SOX5: variants seen among roughly 807,000 people sequenced by gnomAD.
The protein encoded by SOX5 is SRY-box transcription factor 5.
SOX5 carries 9 observed loss-of-function variants against 92.0 expected under a neutral mutation model. The ratio of observed to expected loss-of-function variants is 0.10; its 90% CI spans 0.06 to 0.17. SOX5 has a LOEUF of 0.17. SOX5 is among the 10% of genes least tolerant of loss of function. The pLI is 1.00. For missense variants in SOX5, 642 were observed against 944.5 expected (o/e 0.68, Z 4.20); for synonymous variants, 344 against 336.3 (o/e 1.02, Z -0.25).
intron 1 of SOX5, among the ~76,000 whole-genome samples, chr12:23,910,876 GTAAAC>G (rs1453788785): frequency 6.6e-6 from 1 of 152,062 alleles, no homozygotes; most frequent in Non-Finnish European, 1.5e-5. Flanking sequence ...TCTCCTCAGA[GTAAAC>G]TATTATCTAT....
At chr12:24,191,288 A>C (rs564062448) in intron 4 of SOX5, among the ~76,000 whole-genome samples, 1 of 152,308 alleles carries the variant, frequency 6.6e-6, no homozygotes, top group South Asian at 2.1e-4. Context: ...CAATAACTTA[A>C]TTTTAGTGTT....
intron 2 of SOX5, among the ~76,000 whole-genome samples, chr12:24,356,569 G>T (rs1252351502): frequency 6.6e-6 from 1 of 151,962 alleles, no homozygotes; most frequent in African/African-American, 2.4e-5. Flanking sequence ...GCCAAACACA[G>T]ATATTGAGGA....
At chr12:23,811,217 G>C (rs924681526) in intron 3 of SOX5, among the ~76,000 whole-genome samples, 1 of 152,042 alleles carries the variant, frequency 6.6e-6, no homozygotes, top group South Asian at 2.1e-4. Flanking sequence ...GGAATATAAA[G>C]ATTATTCACC....
At chr12:23,843,854 G>A (rs149167166) in intron 3 of SOX5, among the ~76,000 whole-genome samples, 291 of 152,136 alleles carry the variant, frequency 1.9e-3, no homozygotes, top group African/African-American at 6.6e-3. Flanking sequence ...ATGAGCCACC[G>A]TGCCCAGCCT....
At chr12:24,499,980 T>C (rs1275383206) in intron 1 of SOX5, among the ~76,000 whole-genome samples, 1 of 152,148 alleles carries the variant, frequency 6.6e-6, no homozygotes, top group Non-Finnish European at 1.5e-5. Context: ...TCTTTGGAAA[T>C]GTGTCTCTGG....
chr12:23,708,872 C>T (rs1377666202), intron 6 of SOX5, among the ~76,000 whole-genome samples: 2 of 152,218 alleles, frequency 1.3e-5, no homozygotes, highest in East Asian at 1.9e-4. Flanking sequence ...ATTAGGACTT[C>T]CTCATAGAAT....
chr12:23,534,257 T>C lies in SOX5; in HGVS notation c.2254A>G (p.Ser752Gly). 6.2e-7 allele frequency: 1 copy of C among 1,614,162 alleles called. No individual in the cohort carries two copies. The highest frequency in any genetic ancestry group is 8.5e-7 in the Non-Finnish European group (1 of 1,179,988). Residue 752 changes from serine (S) to glycine (G), a missense_variant, in exon 15 of 15, where the codon AGT becomes GGT. Ser to Gly is a moderately conservative substitution (Grantham distance 56). This residue lies in a region of SOX5 where 130 missense variants were observed against 140.6 expected (regional missense o/e 0.92). Coordinates refer to ENST00000451604, the MANE Select transcript of SOX5 (RefSeq NM_006940.6). Reference protein sequence around the residue: ...EEDDPDVDYGSDSENHIAGQA... With the variant: ...EEDDPDVDYGGDSENHIAGQA... ...CCTGCAATATGGTTTTCACTGTCAC[T>C]CCCATAATCTACATCTGGATCATCC...
chr12:24,125,563 G>T (rs537675348), intron 4 of SOX5, among the ~76,000 whole-genome samples: 10 of 152,206 alleles, frequency 6.6e-5, no homozygotes, highest in African/African-American at 2.4e-4. Context: ...TCTTGGACAC[G>T]ATCTCTGAGT....
At chr12:24,522,683 A>G (rs1284780045) in intron 1 of SOX5, among the ~76,000 whole-genome samples, 3 of 152,102 alleles carry the variant, frequency 2.0e-5, no homozygotes, top group Non-Finnish European at 4.4e-5. Flanking sequence ...TGAGCATCTT[A>G]TAGATAAAGA....
rs139323766 is a variant in SOX5, at chr12:24,112,521, C to CTTTTTTT, written c.-2+100815_-2+100821dup. ...GGGATACAGAACAACTTCAAGGTTC[C>CTTTTTTT]TTTTTTTTTTTTTTTTTTTTTTTTT... is the stretch of plus-strand genomic sequence containing the variant. On this transcript the variant is annotated intron_variant, in intron 4 of 4. Coordinates refer to the SOX5 transcript ENST00000446891. Among the ~76,000 whole-genome samples, 5 of 75,664 alleles carry CTTTTTTT rather than the reference C, an allele frequency of 6.6e-5. 1 individual carries two copies. Among genetic ancestry groups the CTTTTTTT allele is most frequent in the Non-Finnish European group, 9.9e-5 (4 of 40,352 alleles). The allele number at this position is 75,664 out of a possible 152,430, so 49.6% of individuals were successfully genotyped here. A position where few individuals can be genotyped will look rare whatever the true frequency, so the allele number is the denominator to read the frequency against.
At chr12:24,433,440 G>C (rs1177301226) in intron 1 of SOX5, among the ~76,000 whole-genome samples, 1 of 152,176 alleles carries the variant, frequency 6.6e-6, no homozygotes, top group Admixed American at 6.5e-5. Context: ...GCACTCACTT[G>C]ATTAAAGATG....
intron 6 of SOX5, among the ~76,000 whole-genome samples, chr12:23,688,536 G>C (rs1226215903): frequency 4.6e-5 from 7 of 152,022 alleles, no homozygotes; most frequent in Non-Finnish European, 8.8e-5. Flanking sequence ...AGTTATATGA[G>C]TGGCCTAACC....
intron 3 of SOX5, among the ~76,000 whole-genome samples, chr12:23,783,886 A>C (rs1242565029): frequency 6.6e-6 from 1 of 152,168 alleles, no homozygotes; most frequent in East Asian, 1.9e-4. Flanking sequence ...AGTGTCTGGG[A>C]ATCTGGCAAT....
At chr12:24,474,329 T>C (rs550620439) in intron 1 of SOX5, among the ~76,000 whole-genome samples, 1 of 152,272 alleles carries the variant, frequency 6.6e-6, no homozygotes, top group South Asian at 2.1e-4. Context: ...CTAACAAAAA[T>C]AACTTGGCTT....
chr12:24,525,729 G>A (rs1446700581), intron 1 of SOX5, among the ~76,000 whole-genome samples: 1 of 152,008 alleles, frequency 6.6e-6, no homozygotes, highest in Non-Finnish European at 1.5e-5. Context: ...AAAAATAGCC[G>A]GGCTTGGTGG....
chr12:23,882,694 CTA>C (rs1310679610), intron 2 of SOX5, among the ~76,000 whole-genome samples: 2 of 152,084 alleles, frequency 1.3e-5, no homozygotes, highest in African/African-American at 2.4e-5. Flanking sequence ...ACAAAAAGTA[CTA>C]TGTTAGGTGA....
intron 1 of SOX5, among the ~76,000 whole-genome samples, chr12:24,458,613 G>A (rs1410418104): frequency 6.6e-5 from 10 of 152,134 alleles, no homozygotes; most frequent in Admixed American, 6.5e-4. Flanking sequence ...GCCAAGATTG[G>A]AAACCTGCCC....
rs75673184 is a variant in SOX5, at chr12:24,294,280, G to GT, written c.-173-16969dup. ...CAGCTGCCTCATCAGTAACTCATGG[G>GT]TTTTTTTTTTTTCCTCAACACTCAG... On this transcript the variant is annotated intron_variant, in intron 2 of 4. Transcript: ENST00000446891. 3.4e-3 allele frequency among the ~76,000 whole-genome samples: 485 copies of GT among 144,776 alleles called. 2 individuals carry two copies. Among genetic ancestry groups the GT allele is most frequent in the South Asian group, 0.03 (138 of 4,554 alleles). 95.0% of individuals were successfully genotyped at this position (144,776 alleles called of 152,430 possible).
intron 3 of SOX5, among the ~76,000 whole-genome samples, chr12:23,782,319 G>A (rs532310415): frequency 2.6e-5 from 4 of 152,032 alleles, no homozygotes; most frequent in African/African-American, 4.8e-5. Flanking sequence ...CCAAGAATTC[G>A]GTAGTAAAAA....
Sources: gnomAD v4.1 joint callset for allele counts (sites outside exome capture counted in the v4.1 genomes callset) on GRCh38, gnomAD v4.1.1 for gene constraint, gnomAD v4.1.1 regional missense constraint, MANE v1.5 for transcripts, NCBI Gene and HGNC (gene_info 2026-07-23, HGNC 2026-07-21) for gene names.